DYM: variants seen among roughly 807,000 people sequenced by gnomAD.
DYM encodes dyggve-Melchior-Clausen syndrome protein.
In DYM, 78 loss-of-function variants were observed where a neutral mutation model predicts 93.1. That is an observed-to-expected ratio of 0.84 (90% CI 0.70 to 1.01). The LOEUF is 1.01. DYM is among the 50% of genes least tolerant of loss of function. The pLI, the probability that DYM is intolerant of heterozygous loss-of-function variation, is 0.00. For synonymous variants in DYM, 321 were observed against 319.7 expected, an observed-to-expected ratio of 1.00 and a Z score of -0.04; for missense variants, 789 against 845.0, an observed-to-expected ratio of 0.93 and a Z score of 0.82.
At chr18:49,239,104 ACT>A (rs1011054592) in intron 13 of DYM, among the ~76,000 whole-genome samples, 50 of 152,250 alleles carry the variant, frequency 3.3e-4, no homozygotes, top group Admixed American at 2.9e-3. Flanking sequence ...TCTTACAGGA[ACT>A]CTGTGCACTT....
chr18:49,317,627 C>CTCCTATCCTAT (rs573051080), intron 8 of DYM, among the ~76,000 whole-genome samples: 8 of 24,398 alleles, frequency 3.3e-4, no homozygotes, highest in East Asian at 2.7e-3. Context: ...CTCCCTCCCT[C>CTCCTATCCTAT]CCTCTCCTAT....
rs980287365 is a variant in DYM, at chr18:49,404,307, C to T, written c.141-12662G>A. Among the ~76,000 whole-genome samples the T allele has an allele frequency of 2.0e-5, 3 of 152,200 alleles. No homozygotes were observed. The East Asian group carries it at 5.8e-4, about 29-fold the overall frequency. On this transcript the variant is annotated intron_variant, in intron 2 of 17. Transcript: ENST00000675505. The stretch of plus-strand genomic sequence containing the variant: ...AAAGGTGTGAGCCACCATGCCCAGC[C>T]TCCAATCCACTGTTGATGGGCACCT...
intron 17 of DYM, among the ~76,000 whole-genome samples, chr18:49,069,973 G>A (rs1175624896): frequency 3.3e-5 from 5 of 152,220 alleles, no homozygotes; most frequent in Admixed American, 2.6e-4. Context: ...CCCGGGGGGT[G>A]CAGGTTGTGG....
chr18:49,054,773 G>A (rs1176696522), intron 17 of DYM, among the ~76,000 whole-genome samples: 1 of 152,136 alleles, frequency 6.6e-6, no homozygotes, highest in Non-Finnish European at 1.5e-5. Flanking sequence ...TGGCAGACAC[G>A]GATCCTGAGC....
intron 2 of DYM, among the ~76,000 whole-genome samples, chr18:49,397,673 G>A (rs1231888096): frequency 6.6e-6 from 1 of 152,144 alleles, no homozygotes; most frequent in Non-Finnish European, 1.5e-5. Flanking sequence ...GAAAATTTTA[G>A]AAAAACTGTG....
intron 11 of DYM, among the ~76,000 whole-genome samples, chr18:49,261,438 A>G (rs1225952809): frequency 6.6e-6 from 1 of 152,256 alleles, no homozygotes; most frequent in Non-Finnish European, 1.5e-5. Context: ...TGGGAGGCCA[A>G]GGTGGATGGA....
chr18:49,136,077 T>G (rs2083818204), intron 15 of DYM, among the ~76,000 whole-genome samples: 1 of 152,236 alleles, frequency 6.6e-6, no homozygotes, highest in South Asian at 2.1e-4. Flanking sequence ...CTGGTACAAT[T>G]AGAGCAAGGG....
intron 2 of DYM, among the ~76,000 whole-genome samples, chr18:49,397,147 C>T (rs1206821917): frequency 3.9e-5 from 6 of 152,164 alleles, no homozygotes; most frequent in East Asian, 1.9e-4. Context: ...TATAATGCAT[C>T]GAAACATCAT....
At chr18:49,280,841 T>C (rs561258418) in intron 10 of DYM, among the ~76,000 whole-genome samples, 69 of 152,198 alleles carry the variant, frequency 4.5e-4, no homozygotes, top group Non-Finnish European at 8.8e-4. Context: ...CCTAAAACCA[T>C]AAAAACCCTA....
intron 14 of DYM, among the ~76,000 whole-genome samples, chr18:49,193,088 G>C (rs1381847921): frequency 6.6e-6 from 1 of 151,962 alleles, no homozygotes; most frequent in African/African-American, 2.4e-5. Flanking sequence ...CGAGGTGATG[G>C]ATATGCTAAC....
rs978090726 is a variant in DYM at position 49,445,799 on chromosome 18, G to A, written c.-54+14599C>T. Among the ~76,000 whole-genome samples the A allele has an allele frequency of 3.3e-5, 5 of 152,234 alleles. No individual in the cohort carries two copies. In the East Asian group the frequency reaches 5.8e-4, roughly 18 times the overall value. ...ATTTCTTAGGCACTAAATCCCACAG[G>A]CCGTTCAAAGTATTTGGTAAAAATT... On this transcript the variant is annotated intron_variant, in intron 1 of 17. Coordinates refer to ENST00000675505, the MANE Select transcript of DYM (RefSeq NM_001353214.3).
chr18:49,085,764 C>G (rs554553651), intron 17 of DYM, among the ~76,000 whole-genome samples: 1 of 151,914 alleles, frequency 6.6e-6, no homozygotes, highest in African/African-American at 2.4e-5. Context: ...CCTGCCACCG[C>G]GCCTGGCTAA....
intron 8 of DYM, among the ~76,000 whole-genome samples, chr18:49,304,735 G>A (rs141037996): frequency 9.2e-5 from 14 of 152,318 alleles, no homozygotes; most frequent in African/African-American, 3.4e-4. Context: ...GTCATCTGCA[G>A]ACATCACCAT....
intron 6 of DYM, among the ~76,000 whole-genome samples, chr18:49,351,296 G>A (rs970991571): frequency 3.9e-5 from 6 of 152,082 alleles, no homozygotes; most frequent in Non-Finnish European, 8.8e-5. Context: ...GCTTGAACCC[G>A]GGAGGTGGAG....
chr18:49,161,418 C>A (rs2087113329), intron 15 of DYM, among the ~76,000 whole-genome samples: 1 of 152,118 alleles, frequency 6.6e-6, no homozygotes, highest in Non-Finnish European at 1.5e-5. Context: ...TATACATATT[C>A]AACACATTTT....
intron 3 of DYM, among the ~76,000 whole-genome samples, chr18:49,383,350 T>C (rs1167359335): frequency 6.6e-6 from 1 of 152,086 alleles, no homozygotes; most frequent in Admixed American, 6.5e-5. Flanking sequence ...CAGCATACGG[T>C]GGAGGGAGAG....
chr18:49,233,040 T>G (rs945067500), intron 13 of DYM, among the ~76,000 whole-genome samples: 1 of 152,028 alleles, frequency 6.6e-6, no homozygotes, highest in Non-Finnish European at 1.5e-5. Context: ...TGTGGGGGTG[T>G]CTAGCAGAGA....
chr18:49,314,083 G>C (rs1452984363), intron 8 of DYM, among the ~76,000 whole-genome samples: 1 of 152,096 alleles, frequency 6.6e-6, no homozygotes, highest in Non-Finnish European at 1.5e-5. Flanking sequence ...CTAGGGATAG[G>C]TAGTTTCTTC....
intron 17 of DYM, among the ~76,000 whole-genome samples, chr18:49,086,511 G>T (rs186065536): frequency 1.3e-4 from 20 of 152,276 alleles, no homozygotes; most frequent in Non-Finnish European, 2.8e-4. Context: ...CTCAACATAC[G>T]TTTGGAGGGG....
Sources: allele counts gnomAD v4.1 joint callset (sites outside exome capture counted in the v4.1 genomes callset), GRCh38; gene constraint gnomAD v4.1.1; transcripts MANE v1.5; gene names NCBI Gene and HGNC (gene_info 2026-07-23, HGNC 2026-07-21).